PTPRE: variants seen among roughly 807,000 people sequenced by gnomAD.
PTPRE encodes receptor-type tyrosine-protein phosphatase epsilon.
A neutral mutation model predicts 102.0 loss-of-function variants in PTPRE; 51 were observed. That is an observed-to-expected ratio of 0.50 (90% CI 0.40 to 0.63). The LOEUF (loss-of-function observed/expected upper bound fraction) is 0.63, where lower values mean the gene tolerates loss of function less well. Ranked by LOEUF, PTPRE falls within the 30% of genes least tolerant of loss-of-function variation. The pLI, the probability that PTPRE is intolerant of heterozygous loss-of-function variation, is 0.00. For missense variants in PTPRE, 752 were observed against 915.1 expected (o/e 0.82, Z 2.30); for synonymous variants, 345 against 348.2 (o/e 0.99, Z 0.10).
At chr10:127,983,061 G>A (rs1316100391) in intron 2 of PTPRE, among the ~76,000 whole-genome samples, 3 of 152,172 alleles carry the variant, frequency 2.0e-5, no homozygotes, top group Admixed American at 1.3e-4. Flanking sequence ...TTTCCTAAAT[G>A]TATTGCCTTG....
intron 1 of PTPRE, chr10:127,933,994 T>TA: frequency 6.7e-6 from 1 of 148,360 alleles, no homozygotes; most frequent in East Asian, 2.0e-4. Context: ...CCTGTAAACA[T>TA]ACATTATCCC....
intron 6 of PTPRE, among the ~76,000 whole-genome samples, chr10:128,053,220 C>T (rs1186947552): frequency 1.3e-5 from 2 of 152,122 alleles, no homozygotes; most frequent in Admixed American, 6.5e-5. Context: ...CACTGCCCTC[C>T]AGCCTAGGTA....
intron 1 of PTPRE, among the ~76,000 whole-genome samples, chr10:127,951,231 C>T (rs1325130363): frequency 6.6e-6 from 1 of 152,136 alleles, no homozygotes; most frequent in East Asian, 1.9e-4. Context: ...CAATGAATTC[C>T]CAGACTTGAG....
chr10:128,073,733 C>T (rs950718072), intron 17 of PTPRE, among the ~76,000 whole-genome samples: 2 of 152,180 alleles, frequency 1.3e-5, no homozygotes, highest in African/African-American at 4.8e-5. Flanking sequence ...GAAATTCTGC[C>T]ATTTGGTATT....
At chr10:128,014,364 T>C (rs1048321572) in intron 2 of PTPRE, among the ~76,000 whole-genome samples, 1 of 152,158 alleles carries the variant, frequency 6.6e-6, no homozygotes, top group Non-Finnish European at 1.5e-5. Flanking sequence ...TGCATGCACA[T>C]TGTTTGGCCC....
chr10:127,964,135 C>T (rs934634548), intron 1 of PTPRE, among the ~76,000 whole-genome samples: 2 of 152,208 alleles, frequency 1.3e-5, no homozygotes, highest in East Asian at 1.9e-4. Context: ...TCCCAGCTGG[C>T]AGAGTATCCT....
rs1401823245 is a variant in PTPRE at position 128,056,111 on chromosome 10, ATT to A, written c.421-9_421-8del. 6.3e-7 allele frequency: 1 copy of A among 1,589,636 alleles called. No homozygotes were observed. Among genetic ancestry groups the A allele is most frequent in the Non-Finnish European group, 8.6e-7 (1 of 1,158,402 alleles). Reference sequence around the variant, plus strand: ...CCATCACATTTCATACTAATGCTACATTTTCTTCCAGTCATTGCCATCTGGAC... The same window carrying A: ...CCATCACATTTCATACTAATGCTACATTCTTCCAGTCATTGCCATCTGGAC... On this transcript the variant is annotated splice_polypyrimidine_tract_variant and intron_variant, in intron 6 of 20. Coordinates refer to ENST00000254667, the MANE Select transcript of PTPRE (RefSeq NM_006504.6).
intron 1 of PTPRE, among the ~76,000 whole-genome samples, chr10:127,919,362 C>T (rs534913721): frequency 2.6e-5 from 4 of 152,182 alleles, no homozygotes; most frequent in Non-Finnish European, 4.4e-5. Flanking sequence ...AGAAGTTTGG[C>T]GAACAATTCC....
At chr10:128,043,342 C>A (rs530906024) in intron 3 of PTPRE, among the ~76,000 whole-genome samples, 3 of 152,366 alleles carry the variant, frequency 2.0e-5, no homozygotes, top group African/African-American at 7.2e-5. Flanking sequence ...GCATCAGGTT[C>A]TCTTAAGGAG....
At chr10:127,935,245 C>T (rs958297383) in intron 1 of PTPRE, among the ~76,000 whole-genome samples, 10 of 152,302 alleles carry the variant, frequency 6.6e-5, no homozygotes, top group Admixed American at 5.9e-4. Flanking sequence ...TTCCAGCTCC[C>T]GTGGTGCAAA....
At chr10:127,970,016 G>A (rs11015983) in intron 1 of PTPRE, among the ~76,000 whole-genome samples, 37,568 of 152,088 alleles carry the variant, frequency 0.25, 7,109 homozygotes, top group African/African-American at 0.54. Context: ...ATTCTTTTGT[G>A]ACCTCGAGCT....
At chr10:128,063,233 G>A (rs56204987) in intron 10 of PTPRE, 53 bp downstream of exon 10, 144,353 of 1,601,874 alleles carry the variant, frequency 0.09, 7,549 homozygotes, top group African/African-American at 0.18. Context: ...TGCTGCTGCC[G>A]GGCTGGGGAT....
At chr10:128,058,928 G>A (rs1249794168) in intron 7 of PTPRE, among the ~76,000 whole-genome samples, 4 of 152,194 alleles carry the variant, frequency 2.6e-5, no homozygotes, top group Non-Finnish European at 5.9e-5. Flanking sequence ...AGAGGTCAAG[G>A]TGCTTTGCAT....
At chr10:127,920,271 A>C (rs151062467) in intron 1 of PTPRE, among the ~76,000 whole-genome samples, 1 of 152,302 alleles carries the variant, frequency 6.6e-6, no homozygotes, top group East Asian at 1.9e-4. Flanking sequence ...AGCCTCCGTG[A>C]GAAGAGCACC....
At chr10:128,072,298 T>C (rs1165306352) in intron 16 of PTPRE, 84 bp downstream of exon 16, 1 of 1,189,658 alleles carries the variant, frequency 8.4e-7, no homozygotes. Flanking sequence ...GTTTTCACAA[T>C]GAGAAAGAAT....
intron 2 of PTPRE, among the ~76,000 whole-genome samples, chr10:128,038,960 C>T (rs1847451667): frequency 6.6e-6 from 1 of 152,128 alleles, no homozygotes; most frequent in African/African-American, 2.4e-5. Flanking sequence ...AACAGATGAA[C>T]AAAATGATCT....
chr10:127,944,414 G>A lies in PTPRE; in HGVS notation c.-31+37105G>A, dbSNP rs1848466747. 6.6e-6 allele frequency among the ~76,000 whole-genome samples: 1 copy of A among 151,108 alleles called. No individual in the cohort carries two copies. The highest frequency in any genetic ancestry group is 2.4e-5 in the African/African-American group (1 of 41,066). On this transcript the variant is annotated intron_variant, in intron 1 of 20. Transcript: ENST00000254667. The surrounding 1 kb of genome is among the most constrained non-coding windows in gnomAD (Gnocchi z 4.2). ...TGGATGGATGGATGGATGGATGGAT[G>A]CATGCATGGATAAGTGGATGGATGG...
At chr10:127,991,361 G>A (rs1487655043) in intron 2 of PTPRE, among the ~76,000 whole-genome samples, 17 of 152,196 alleles carry the variant, frequency 1.1e-4, no homozygotes, top group Admixed American at 5.9e-4. Flanking sequence ...TATATTTTCC[G>A]CCTGCTGAGC....
At chr10:127,967,798 C>G (rs1465095351) in intron 1 of PTPRE, among the ~76,000 whole-genome samples, 2 of 152,206 alleles carry the variant, frequency 1.3e-5, no homozygotes, top group Non-Finnish European at 2.9e-5. Context: ...CTCTTCCAGT[C>G]CCTTCATGCC....
Sources: allele counts gnomAD v4.1 joint callset (sites outside exome capture counted in the v4.1 genomes callset), GRCh38; gene constraint gnomAD v4.1.1; non-coding constraint Gnocchi (gnomAD v3.1); transcripts MANE v1.5; gene names NCBI Gene and HGNC (gene_info 2026-07-23, HGNC 2026-07-21).